Variants in PTPRD observed in about 807,000 individuals in gnomAD.
PTPRD encodes receptor-type tyrosine-protein phosphatase delta.
A neutral mutation model predicts 214.5 loss-of-function variants in PTPRD; 34 were observed. The ratio of observed to expected loss-of-function variants is 0.16; its 90% confidence interval spans 0.12 to 0.21. The LOEUF (loss-of-function observed/expected upper bound fraction) is 0.21. Ranked by LOEUF, PTPRD falls within the 10% of genes least tolerant of loss-of-function variation. PTPRD has a pLI of 1.00. For synonymous variants in PTPRD, 1,128 were observed against 845.7 expected (o/e 1.33, Z -5.79); for missense variants, 2,545 against 2,398.7 (o/e 1.06, Z -1.27).
intron 2 of PTPRD, among the ~76,000 whole-genome samples, chr9:10,361,456 T>C (rs1346119341): frequency 6.6e-6 from 1 of 152,104 alleles, no homozygotes; most frequent in Non-Finnish European, 1.5e-5. Context: ...CAAAATGCTG[T>C]GCTTTGAGTA....
chr9:8,470,969 G>T, intron 31 of PTPRD, 26 bp downstream of exon 31: 1 of 1,584,502 alleles, frequency 6.3e-7, no homozygotes, highest in African/African-American at 1.3e-5. Flanking sequence ...ACGAATAAAA[G>T]ACATGGCCAA....
At chr9:8,475,252 C>T (rs531860754) in intron 30 of PTPRD, among the ~76,000 whole-genome samples, 1 of 152,308 alleles carries the variant, frequency 6.6e-6, no homozygotes, top group Non-Finnish European at 1.5e-5. Flanking sequence ...TGGTACTCTT[C>T]TGTCCTTCTT....
intron 11 of PTPRD, among the ~76,000 whole-genome samples, chr9:8,925,339 G>A (rs1002875019): frequency 2.6e-5 from 4 of 152,000 alleles, no homozygotes; most frequent in Non-Finnish European, 4.4e-5. Flanking sequence ...GGATGCAGGG[G>A]AAGGTACATT....
intron 12 of PTPRD, among the ~76,000 whole-genome samples, chr9:8,662,898 A>G (rs982391011): frequency 5.3e-5 from 8 of 152,174 alleles, no homozygotes; most frequent in African/African-American, 1.7e-4. Flanking sequence ...CTACATATGT[A>G]TATAAAAGTT....
chr9:9,182,337 T>C (rs1313273400), intron 10 of PTPRD, among the ~76,000 whole-genome samples: 1 of 152,060 alleles, frequency 6.6e-6, no homozygotes, highest in Non-Finnish European at 1.5e-5. Context: ...GGGACGGTGA[T>C]ATTCTTTTCT....
intron 11 of PTPRD, among the ~76,000 whole-genome samples, chr9:9,011,582 A>G (rs1271759541): frequency 2.0e-5 from 3 of 152,150 alleles, no homozygotes; most frequent in African/African-American, 7.2e-5. Context: ...CAGAGTAGCT[A>G]AGAATACATC....
intron 8 of PTPRD, among the ~76,000 whole-genome samples, chr9:9,515,388 A>T (rs1348738804): frequency 2.6e-5 from 4 of 152,144 alleles, no homozygotes; most frequent in African/African-American, 9.6e-5. Context: ...TTAAGGGGGC[A>T]CTATTCCCAA....
chr9:10,367,444 C>T (rs924221340), intron 2 of PTPRD, among the ~76,000 whole-genome samples: 2 of 152,134 alleles, frequency 1.3e-5, no homozygotes, highest in Non-Finnish European at 2.9e-5. Context: ...GAGCCAACCA[C>T]TGCCACTGGG....
chr9:8,569,803 C>G (rs899585066), intron 14 of PTPRD, among the ~76,000 whole-genome samples: 1 of 151,902 alleles, frequency 6.6e-6, no homozygotes, highest in African/African-American at 2.4e-5. Flanking sequence ...TGGAAAAAAC[C>G]ATACTAATTA....
chr9:8,426,813 T>C (rs554501943), intron 35 of PTPRD, among the ~76,000 whole-genome samples: 1 of 148,670 alleles, frequency 6.7e-6, no homozygotes, highest in Non-Finnish European at 1.5e-5. Context: ...TTTTTTTTTT[T>C]AATGTGGGTG....
At chr9:9,298,194 A>G (rs1439718827) in intron 9 of PTPRD, among the ~76,000 whole-genome samples, 3 of 151,684 alleles carry the variant, frequency 2.0e-5, no homozygotes, top group South Asian at 2.1e-4. Flanking sequence ...GAAACATGTT[A>G]TTAACCTAAA....
intron 14 of PTPRD, among the ~76,000 whole-genome samples, chr9:8,549,893 C>T (rs1165714131): frequency 6.6e-6 from 1 of 152,156 alleles, no homozygotes; most frequent in African/African-American, 2.4e-5. Flanking sequence ...CCATTTCAAG[C>T]TCTTTCATTT....
chr9:8,323,650 C>G (rs962995108), intron 44 of PTPRD, among the ~76,000 whole-genome samples: 2 of 152,134 alleles, frequency 1.3e-5, no homozygotes, highest in African/African-American at 2.4e-5. Flanking sequence ...GGAGATGGGA[C>G]TGAACTGCTG....
At chr9:9,633,101 C>A (rs561268130) in intron 7 of PTPRD, among the ~76,000 whole-genome samples, 2 of 152,032 alleles carry the variant, frequency 1.3e-5, no homozygotes. Flanking sequence ...TCGAGACCAT[C>A]CTGGCCAACA....
chr9:9,787,447 T>C (rs1353943305), intron 5 of PTPRD, among the ~76,000 whole-genome samples: 1 of 150,784 alleles, frequency 6.6e-6, no homozygotes, highest in Non-Finnish European at 1.5e-5. Flanking sequence ...GGCCAAATCC[T>C]TTACAGTCCA....
chr9:9,037,388 G>A (rs964862967), intron 10 of PTPRD, among the ~76,000 whole-genome samples: 2 of 152,112 alleles, frequency 1.3e-5, no homozygotes, highest in Admixed American at 6.6e-5. Flanking sequence ...AATAGTTTGT[G>A]TTAGCAAACC....
intron 3 of PTPRD, among the ~76,000 whole-genome samples, chr9:10,090,851 A>G (rs1249422606): frequency 6.7e-6 from 1 of 149,074 alleles, no homozygotes. Context: ...ACCATGTAAT[A>G]TCTTAAACGG....
chr9:10,294,852 G>C (rs936739221), intron 3 of PTPRD, among the ~76,000 whole-genome samples: 1 of 151,864 alleles, frequency 6.6e-6, no homozygotes, highest in Admixed American at 6.6e-5. Flanking sequence ...TTTATTTACT[G>C]ATACTAAATG....
At chr9:10,118,867 A>AAAATAAATAAATAAATAAATAAAT (rs144204787) in intron 3 of PTPRD, among the ~76,000 whole-genome samples, 10 of 143,660 alleles carry the variant, frequency 7.0e-5, no homozygotes, top group East Asian at 4.0e-4. Context: ...AAATACACCA[A>AAAATAAATAAATAAATAAATAAAT]AAATAAATAA....
Sources: allele counts gnomAD v4.1 joint callset (sites outside exome capture counted in the v4.1 genomes callset), GRCh38; gene constraint gnomAD v4.1.1; transcripts MANE v1.5; gene names NCBI Gene and HGNC (gene_info 2026-07-23, HGNC 2026-07-21).